The following MROH1 variants were observed in gnomAD, a reference collection of about 807,000 sequenced individuals.
MROH1 encodes maestro heat like repeat family member 1, also known as maestro heat-like repeat-containing protein family member 1.
MROH1 carries 117 observed loss-of-function variants against 116.5 expected under a neutral mutation model. The ratio of observed to expected loss-of-function variants is 1.00; its 90% CI spans 0.86 to 1.17. The LOEUF (loss-of-function observed/expected upper bound fraction) is 1.17, where lower values mean the gene tolerates loss of function less well. Among genes scored for constraint, MROH1 ranks in the 50% most tolerant of loss-of-function variants. The probability of loss-of-function intolerance (pLI) is 0.00; values close to 1 mark genes in which losing one functional copy is unlikely to be tolerated. For synonymous variants in MROH1, 921 were observed against 583.9 expected (o/e 1.58, Z -8.32); for missense variants, 1,873 against 1,338.5 (o/e 1.40, Z -6.23).
At chr8:144,240,450 G>A in intron 19 of MROH1, 120 bp from the exon 20 acceptor site, 1 of 698,494 alleles carries the variant, frequency 1.4e-6, no homozygotes, top group Admixed American at 2.0e-5. Flanking sequence ...GCCGCCCCCG[G>A]CCTCCGCTGG....
chr8:144,173,927 C>T (rs928111263), intron 4 of MROH1, among the ~76,000 whole-genome samples: 6 of 152,104 alleles, frequency 3.9e-5, no homozygotes, highest in East Asian at 3.9e-4. Flanking sequence ...TTTTATTGAG[C>T]GATGAAAATG....
chr8:144,166,710 G>C (rs998915822), intron 3 of MROH1, among the ~76,000 whole-genome samples: 1 of 152,068 alleles, frequency 6.6e-6, no homozygotes, highest in Non-Finnish European at 1.5e-5. Flanking sequence ...AGTGGGGCTG[G>C]GGCGCCGCCC....
chr8:144,222,773 T>G (rs1837048977), intron 13 of MROH1, among the ~76,000 whole-genome samples: 2 of 151,550 alleles, frequency 1.3e-5, no homozygotes, highest in African/African-American at 4.9e-5. Context: ...GGTATAGGTG[T>G]GGGCGTTGGC....
chr8:144,229,902 A>G (rs1038995909), intron 14 of MROH1, among the ~76,000 whole-genome samples: 3 of 151,886 alleles, frequency 2.0e-5, no homozygotes, highest in Non-Finnish European at 4.4e-5. Context: ...AGCGTGGTGG[A>G]CCACACCTGT....
intron 14 of MROH1, among the ~76,000 whole-genome samples, chr8:144,235,315 T>G (rs887304235): frequency 4.6e-5 from 7 of 152,222 alleles, no homozygotes; most frequent in Non-Finnish European, 8.8e-5. Context: ...CAACTATAGT[T>G]TTACTTCTTT....
At chr8:144,210,734 A>G (rs1406025119) in intron 12 of MROH1, among the ~76,000 whole-genome samples, 1 of 152,166 alleles carries the variant, frequency 6.6e-6, no homozygotes, top group East Asian at 1.9e-4. Context: ...TCAAATTTAT[A>G]TAGAGATAAT....
chr8:144,218,430 G>A (rs987689514), intron 12 of MROH1, among the ~76,000 whole-genome samples: 6 of 151,926 alleles, frequency 3.9e-5, no homozygotes, highest in African/African-American at 1.5e-4. Flanking sequence ...TGTCTCTCTG[G>A]CCAGCGGGGA....
At chr8:144,183,600 G>T (rs1826212684) in intron 7 of MROH1, among the ~76,000 whole-genome samples, 1 of 151,724 alleles carries the variant, frequency 6.6e-6, no homozygotes, top group Non-Finnish European at 1.5e-5. Context: ...CTGGGCACCT[G>T]CCTGCCTTGA....
chr8:144,238,698 T>C (rs1304641346), intron 14 of MROH1, 58 bp from the exon 15 acceptor site: 2 of 757,502 alleles, frequency 2.6e-6, no homozygotes, highest in South Asian at 1.4e-5. Flanking sequence ...GCAGGCTGTG[T>C]CCTCAGGCCC....
rs533854861 is a variant in MROH1 at position 144,176,584 on chromosome 8, A to G, written c.169-2871A>G. On this transcript the variant is annotated intron_variant, in intron 4 of 43. Coordinates refer to ENST00000326134, the MANE Select transcript of MROH1 (RefSeq NM_032450.3). ...TGGCCCGGTATGATGGCTCATGCCT[A>G]TAATCTCAGCACTTTGGGAGGCTGA... 1.4e-4 allele frequency among the ~76,000 whole-genome samples: 21 copies of G among 150,946 alleles called. No homozygotes were observed. In the South Asian group the frequency reaches 3.8e-3, roughly 27 times the overall value.
At chr8:144,257,364 G>A (rs1844074890) in intron 35 of MROH1, among the ~76,000 whole-genome samples, 1 of 152,168 alleles carries the variant, frequency 6.6e-6, no homozygotes, top group East Asian at 1.9e-4. Flanking sequence ...GACCACCCAG[G>A]CACACCCCAT....
chr8:144,152,390 A>C (rs1817012100), intron 1 of MROH1, among the ~76,000 whole-genome samples: 1 of 93,754 alleles, frequency 1.1e-5, no homozygotes, highest in South Asian at 5.6e-4. Context: ...TTATTTAAAA[A>C]AAATTTTTTT....
intron 33 of MROH1, among the ~76,000 whole-genome samples, chr8:144,253,041 C>T (rs970652226): frequency 6.6e-6 from 1 of 150,604 alleles, no homozygotes; most frequent in East Asian, 2.0e-4. Flanking sequence ...GTAATCCCAG[C>T]TACTCAGGAG....
intron 10 of MROH1, 53 bp from the exon 11 acceptor site, chr8:144,199,069 A>G: frequency 2.6e-6 from 4 of 1,516,362 alleles, no homozygotes; most frequent in Non-Finnish European, 3.6e-6. Flanking sequence ...GAGGGCGGGA[A>G]TCCTTCCTTC....
intron 1 of MROH1, among the ~76,000 whole-genome samples, chr8:144,150,603 TG>T (rs1223296843): frequency 2.6e-5 from 4 of 152,228 alleles, no homozygotes; most frequent in Non-Finnish European, 4.4e-5. Flanking sequence ...AGCCTTTGAC[TG>T]GTGACACTTT....
At chr8:144,208,454 A>G (rs371214111) in intron 12 of MROH1, among the ~76,000 whole-genome samples, 1 of 144,816 alleles carries the variant, frequency 6.9e-6, no homozygotes, top group East Asian at 2.0e-4. Flanking sequence ...CTTCATGTGC[A>G]TTTTTCCTGT....
At chr8:144,200,861 C>T (rs890280118) in intron 12 of MROH1, 1 of 296,724 alleles carries the variant, frequency 3.4e-6, no homozygotes, top group Non-Finnish European at 6.5e-6. Flanking sequence ...GCCCACTGCT[C>T]TAGCTCATTC....
At chr8:144,217,396 T>C (rs997733171) in intron 12 of MROH1, among the ~76,000 whole-genome samples, 1 of 152,214 alleles carries the variant, frequency 6.6e-6, no homozygotes, top group African/African-American at 2.4e-5. Flanking sequence ...TTGGATTCCG[T>C]TTCCAGGAAC....
At chr8:144,230,802 CTTTTTTTTTTTTTTTTTT>C (rs1161687289) in intron 14 of MROH1, among the ~76,000 whole-genome samples, 1,645 of 68,688 alleles carry the variant, frequency 0.024, 61 homozygotes, top group African/African-American at 0.077. Context: ...AAAAGGTTTT[CTTTTTTTTTTTTTTTTTT>C]TTTTTTAATT....
Sources: gnomAD v4.1 joint callset for allele counts (sites outside exome capture counted in the v4.1 genomes callset) on GRCh38, gnomAD v4.1.1 for gene constraint, MANE v1.5 for transcripts, NCBI Gene and HGNC (gene_info 2026-07-23, HGNC 2026-07-21) for gene names.